IGDCC3: variants seen among roughly 807,000 people sequenced by gnomAD.
IGDCC3 encodes the protein putative neuronal cell adhesion molecule.
Under a neutral mutation model 72.0 loss-of-function variants are expected in IGDCC3, and 47 were observed. The observed-to-expected ratio is 0.65, with a 90% CI of 0.52 to 0.83. IGDCC3 has a LOEUF of 0.83. IGDCC3 is among the 40% of genes least tolerant of loss of function. IGDCC3 has a pLI of 0.00. For missense variants in IGDCC3, 1,038 were observed against 1,091.3 expected, an observed-to-expected ratio of 0.95 and a Z score of 0.69; for synonymous variants, 477 against 472.8, an observed-to-expected ratio of 1.01 and a Z score of -0.11.
In IGDCC3 at chr15:65,330,590, C is replaced by T. The variant is rs761481356; in HGVS notation, c.1713G>A (p.Leu571=). 4 of 1,613,662 alleles carry T rather than the reference C, an allele frequency of 2.5e-6. No homozygotes were observed. Among genetic ancestry groups the T allele is most frequent in the Non-Finnish European group, 1.7e-6 (2 of 1,180,006 alleles). Reference sequence around the variant, plus strand: ...TGTAGGAGGAGACGGTTCCAGGCAGCAGGATGGGGCCGGTGAAGGAGGTCT... The same window carrying T: ...TGTAGGAGGAGACGGTTCCAGGCAGTAGGATGGGGCCGGTGAAGGAGGTCT... ...ASKTSFTGPI[L]LPGTVSSYNL... is the part of the protein sequence containing the mutation. Residue 571 remains leucine (L), a synonymous_variant, in exon 10 of 14, where the codon CTG becomes CTA. Coordinates refer to ENST00000327987, the MANE Select transcript of IGDCC3 (RefSeq NM_004884.4).
At chr15:65,373,105 A>AT (rs997004390) in intron 2 of IGDCC3, among the ~76,000 whole-genome samples, 7 of 152,174 alleles carry the variant, frequency 4.6e-5, no homozygotes, top group Non-Finnish European at 7.3e-5. Context: ...AAAAAAGCAC[A>AT]TTTACAATTA....
intron 4 of IGDCC3, 44 bp from the exon 5 acceptor site, chr15:65,334,909 T>C (rs1199982831): frequency 2.5e-6 from 4 of 1,574,442 alleles, no homozygotes; most frequent in Middle Eastern, 3.4e-4. Flanking sequence ...CTGGGGACTT[T>C]CCCGCTTCCT....
intron 2 of IGDCC3, among the ~76,000 whole-genome samples, chr15:65,344,696 A>G (rs1173974634): frequency 6.6e-6 from 1 of 152,230 alleles, no homozygotes; most frequent in African/African-American, 2.4e-5. Context: ...TTACAACCCA[A>G]GGGGAATAAA....
intron 2 of IGDCC3, among the ~76,000 whole-genome samples, chr15:65,362,885 C>T (rs984136921): frequency 2.4e-4 from 32 of 133,692 alleles, no homozygotes; most frequent in African/African-American, 6.7e-4. Context: ...GACAGAGTCT[C>T]GCTCTGTCAC....
At position 65,329,406 on chromosome 15, in the gene IGDCC3, GGCTGCCCT is replaced by G. The variant is rs745979669; in HGVS notation, c.2181_2188del (p.Gln729ProfsTer14). 2 of 1,589,106 alleles carry G rather than the reference GGCTGCCCT, an allele frequency of 1.3e-6. No individual in the cohort carries two copies. Among genetic ancestry groups the G allele is most frequent in the Non-Finnish European group, 1.7e-6 (2 of 1,171,524 alleles). ...GGCACTCACTGTGGGTCTGGGGTCC[GGCTGCCCT>G]GCTGCGCTGGCCGGGGGGAACAGCT... On this transcript the variant is annotated frameshift_variant, in exon 13 of 14. Coordinates refer to ENST00000327987, the MANE Select transcript of IGDCC3 (RefSeq NM_004884.4). LOFTEE classifies it low-confidence loss of function (END_TRUNC). This position sits in a 1 kb window ranked among gnomAD's most constrained non-coding sequence, Gnocchi z 4.1.
At position 65,345,634 on chromosome 15, in the gene IGDCC3, A is replaced by C. The variant is rs2091119139; in HGVS notation, c.410-9678T>G. 2.0e-5 allele frequency among the ~76,000 whole-genome samples: 3 copies of C among 152,164 alleles called. No individual in the cohort carries two copies. The South Asian group carries it at 6.2e-4, about 32-fold the overall frequency. On this transcript the variant is annotated intron_variant, in intron 2 of 13. Coordinates refer to ENST00000327987, the MANE Select transcript of IGDCC3 (RefSeq NM_004884.4). Reference sequence around the variant, plus strand: ...CACAAAAATAAATAAGAAAAGAAAGAAAGCAAAGCAAAGAAAAAAGAAACA... The same window carrying C: ...CACAAAAATAAATAAGAAAAGAAAGCAAGCAAAGCAAAGAAAAAAGAAACA...
chr15:65,366,528 G>A (rs772029816), intron 2 of IGDCC3, among the ~76,000 whole-genome samples: 22 of 152,152 alleles, frequency 1.4e-4, no homozygotes, highest in Non-Finnish European at 2.2e-4. Context: ...TCACAGGAAG[G>A]CAGAGGGGGC....
At chr15:65,342,837 GT>G (rs1306810096) in intron 2 of IGDCC3, among the ~76,000 whole-genome samples, 2 of 152,132 alleles carry the variant, frequency 1.3e-5, no homozygotes, top group Non-Finnish European at 2.9e-5. Flanking sequence ...CTAAAACTTT[GT>G]TTGCTTTTGT....
At chr15:65,330,013 C>A in intron 11 of IGDCC3, 149 bp from the exon 12 acceptor site, 1 of 818,262 alleles carries the variant, frequency 1.2e-6, no homozygotes, top group South Asian at 1.7e-5. Context: ...GGACTCCAGA[C>A]CAATCTTTTT....
At chr15:65,371,390 T>G (rs548033181) in intron 2 of IGDCC3, among the ~76,000 whole-genome samples, 1 of 152,270 alleles carries the variant, frequency 6.6e-6, no homozygotes, top group South Asian at 2.1e-4. Context: ...TTCAGACCCA[T>G]GGAAGTCTGG....
intron 2 of IGDCC3, among the ~76,000 whole-genome samples, chr15:65,368,160 T>TCAAACACACACACA (rs1555432437): frequency 6.8e-6 from 1 of 146,212 alleles, no homozygotes; most frequent in African/African-American, 2.6e-5. Context: ...TCTCTTTCAC[T>TCAAACACACACACA]CACACACACA....
chr15:65,337,597 C>T (rs983607112), intron 2 of IGDCC3, among the ~76,000 whole-genome samples: 3 of 152,150 alleles, frequency 2.0e-5, no homozygotes, highest in Non-Finnish European at 4.4e-5. Flanking sequence ...TGGGCCTTCC[C>T]GGCCTCAGGC....
intron 2 of IGDCC3, among the ~76,000 whole-genome samples, chr15:65,368,838 C>G (rs921470592): frequency 1.3e-5 from 2 of 151,926 alleles, no homozygotes; most frequent in Non-Finnish European, 2.9e-5. Context: ...GCTGTGCTAT[C>G]AATTACAAGG....
At chr15:65,335,510 G>C in intron 3 of IGDCC3, 89 bp from the exon 4 acceptor site, 1 of 1,360,036 alleles carries the variant, frequency 7.4e-7, no homozygotes, top group Admixed American at 2.0e-5. Context: ...TACAGCCCAG[G>C]ACCTAAGCAC....
intron 4 of IGDCC3, 31 bp from the exon 5 acceptor site, chr15:65,334,896 C>T (rs778223161): frequency 2.5e-6 from 4 of 1,593,066 alleles, no homozygotes; most frequent in Middle Eastern, 1.7e-4. Context: ...ATCCTCACTT[C>T]AGCTGGGGAC....
At chr15:65,357,016 AT>A (rs983976650) in intron 2 of IGDCC3, among the ~76,000 whole-genome samples, 1 of 151,168 alleles carries the variant, frequency 6.6e-6, no homozygotes, top group Non-Finnish European at 1.5e-5. Flanking sequence ...TGCCCAGCTA[AT>A]TTTTTTGTGT....
intron 2 of IGDCC3, among the ~76,000 whole-genome samples, chr15:65,361,727 C>T (rs1284041618): frequency 6.6e-6 from 1 of 151,548 alleles, no homozygotes; most frequent in African/African-American, 2.4e-5. Context: ...CAGACACACT[C>T]GGGCACACAG....
At chr15:65,353,881 A>G (rs1010318595) in intron 2 of IGDCC3, among the ~76,000 whole-genome samples, 1 of 152,204 alleles carries the variant, frequency 6.6e-6, no homozygotes, top group Non-Finnish European at 1.5e-5. Flanking sequence ...GGGCCGCTCT[A>G]TGGAGTAGCC....
chr15:65,344,117 A>G (rs2091105645), intron 2 of IGDCC3, among the ~76,000 whole-genome samples: 1 of 152,162 alleles, frequency 6.6e-6, no homozygotes, highest in South Asian at 2.1e-4. Flanking sequence ...AAGGCTCTGA[A>G]CCCAAAGAGT....
Sources: gnomAD v4.1 joint callset for allele counts (sites outside exome capture counted in the v4.1 genomes callset) on GRCh38, gnomAD v4.1.1 for gene constraint, Gnocchi (gnomAD v3.1) non-coding constraint, MANE v1.5 for transcripts, NCBI Gene and HGNC (gene_info 2026-07-23, HGNC 2026-07-21) for gene names.